YME1L1: variants seen among roughly 807,000 people sequenced by gnomAD.
The protein encoded by YME1L1 is ATP-dependent zinc metalloprotease YME1L1.
Under a neutral mutation model 90.4 loss-of-function variants are expected in YME1L1, and 39 were observed. The ratio of observed to expected loss-of-function variants is 0.43; its 90% CI spans 0.33 to 0.56. The LOEUF (loss-of-function observed/expected upper bound fraction) is 0.56. Ranked by LOEUF, YME1L1 falls within the 20% of genes least tolerant of loss-of-function variation. The pLI is 0.03. For synonymous variants in YME1L1, 284 were observed against 287.3 expected (o/e 0.99, Z 0.12); for missense variants, 617 against 868.4 (o/e 0.71, Z 3.64).
chr10:27,141,601 G>GACACACACACACACACAC (rs60043957), intron 4 of YME1L1, among the ~76,000 whole-genome samples: 1 of 141,476 alleles, frequency 7.1e-6, no homozygotes, highest in African/African-American at 2.6e-5. Flanking sequence ...GATGTCCCTC[G>GACACACACACACACACAC]ACACACACAC....
intron 11 of YME1L1, 53 bp downstream of exon 11, chr10:27,122,788 A>G: frequency 6.2e-7 from 1 of 1,603,918 alleles, no homozygotes; most frequent in African/African-American, 1.3e-5. Flanking sequence ...TTCTACGTAT[A>G]TCAAATGCTG....
chr10:27,118,438 C>T (rs1661527635), intron 14 of YME1L1, among the ~76,000 whole-genome samples: 2 of 152,080 alleles, frequency 1.3e-5, no homozygotes, highest in African/African-American at 4.8e-5. Flanking sequence ...CATGCCACCC[C>T]ACCCAACTAA....
Position 27,112,014 on chromosome 10 carries a change from T to C in YME1L1, c.2114A>G (p.Gln705Arg). ...TYETLDAKEI[Q>R]IVLEGKKLEV... ...CAACTTTTTCCCCTCAAGAACAATTTGAATCTCTTTGGCATCCAAAGTCTC... is the reference window on the plus strand; with the variant it reads ...CAACTTTTTCCCCTCAAGAACAATTCGAATCTCTTTGGCATCCAAAGTCTC... Residue 705 changes from glutamine to arginine, a missense_variant, in exon 19 of 19, where the codon CAA (glutamine) becomes CGA (arginine). By Grantham distance (43) the Gln-to-Arg change is conservative. Transcript: ENST00000376016. The C allele has an allele frequency of 6.2e-7, 1 of 1,614,116 alleles. No individual in the cohort carries two copies. The highest frequency in any genetic ancestry group is 8.5e-7 in the Non-Finnish European group (1 of 1,180,008).
At chr10:27,132,274 ATT>A (rs2056984919) in intron 7 of YME1L1, among the ~76,000 whole-genome samples, 1 of 151,714 alleles carries the variant, frequency 6.6e-6, no homozygotes, top group African/African-American at 2.4e-5. Flanking sequence ...CTAATTTTGT[ATT>A]TTTAGCAGAG....
intron 18 of YME1L1, among the ~76,000 whole-genome samples, chr10:27,113,653 CA>C (rs1203363350): frequency 1.5e-5 from 2 of 136,624 alleles, no homozygotes; most frequent in Non-Finnish European, 3.1e-5. Flanking sequence ...GCCTGGGCAA[CA>C]AGAGCAGAAC....
rs1364523015 is a variant in YME1L1 at position 27,145,545 on chromosome 10, C to T, written c.214G>A (p.Gly72Arg). 6.8e-6 allele frequency: 11 copies of T among 1,613,326 alleles called. No individual in the cohort carries two copies. Among genetic ancestry groups the T allele is most frequent in the Non-Finnish European group, 9.3e-6 (11 of 1,179,688 alleles). ...TTTTCTACCAGCTGATCAATCTGTC[C>T]AATTTTTAGTTCAGATAATCCAAGG... is the stretch of plus-strand genomic sequence containing the variant. ...RDLGLSELKI[G>R]QIDQLVENLL... Residue 72 changes from glycine (G) to arginine (R), a missense_variant, in exon 3 of 19, where the codon GGA (glycine) becomes AGA (arginine). Physicochemically the swap from Gly to Arg is moderately radical, Grantham distance 125. Coordinates refer to ENST00000376016, the MANE Select transcript of YME1L1 (RefSeq NM_014263.4).
At chr10:27,142,082 A>G (rs1458255102) in intron 4 of YME1L1, among the ~76,000 whole-genome samples, 1 of 151,880 alleles carries the variant, frequency 6.6e-6, no homozygotes, top group Non-Finnish European at 1.5e-5. Context: ...ATATAAAATT[A>G]ATTTCAATGG....
In YME1L1 at chr10:27,154,283, C is replaced by G. The variant is rs2057285273; in HGVS notation, c.-73G>C. 1.3e-6 allele frequency: 2 copies of G among 1,519,416 alleles called. No homozygotes were observed. The highest frequency in any genetic ancestry group is 1.4e-5 in the African/African-American group (1 of 71,912). The allele number at this position is 1,519,416 out of a possible 1,614,324, so 94.1% of individuals were successfully genotyped here. On this transcript the variant is annotated 5_prime_UTR_variant, in exon 1 of 19. Coordinates refer to ENST00000376016, the MANE Select transcript of YME1L1 (RefSeq NM_014263.4). Reference sequence around the variant, plus strand: ...CTCTGTCCACGGCCCGGCGGGGAGGCGCTGAGCCCTTCTTTTTTCCTTTTT... The same window carrying G: ...CTCTGTCCACGGCCCGGCGGGGAGGGGCTGAGCCCTTCTTTTTTCCTTTTT...
Position 27,119,599 on chromosome 10 carries a change from A to T in YME1L1, c.1412-150T>A, listed in dbSNP as rs1413433562. The T allele has an allele frequency of 6.7e-6, 5 of 751,404 alleles. No individual in the cohort carries two copies. In the African/African-American group the frequency reaches 9.2e-5, roughly 14 times the overall value. The allele number at this position is 751,404 out of a possible 1,614,324, so 46.5% of individuals were successfully genotyped here. On this transcript the variant is annotated intron_variant, in intron 13 of 18. Transcript: ENST00000376016. The stretch of plus-strand genomic sequence containing the variant: ...TGGGGCAGGCAGATCACCTAAGGAC[A>T]GGAGTTGGAGACCATCCTGGCCAAC...
chr10:27,130,620 T>C (rs1191698649), intron 8 of YME1L1, among the ~76,000 whole-genome samples: 1 of 152,102 alleles, frequency 6.6e-6, no homozygotes, highest in East Asian at 1.9e-4. Flanking sequence ...AGCACTTTGA[T>C]CTGCGTGGAT....
In YME1L1 at chr10:27,116,285, T is replaced by C. The variant is rs2056812066; in HGVS notation, c.1780A>G (p.Met594Val). The C allele has an allele frequency of 1.2e-6, 2 of 1,614,054 alleles. No individual in the cohort carries two copies. The highest frequency in any genetic ancestry group is 2.7e-5 in the African/African-American group (2 of 74,934). ...NETRAQLLAQ[M>V]DVSMGGRVAE... ...ACTCTTCCTCCCATACTAACATCCATTTGTGCAAGCAGCTGGGCTCTAGTT... is the reference window on the plus strand; with the variant it reads ...ACTCTTCCTCCCATACTAACATCCACTTGTGCAAGCAGCTGGGCTCTAGTT... Residue 594 changes from methionine (M) to valine (V), a missense_variant, in exon 16 of 19, where the codon ATG (methionine) becomes GTG (valine). Physicochemically the swap from Met to Val is conservative, Grantham distance 21 (BLOSUM62 1). This residue lies in a region of YME1L1 where 212 missense variants were observed against 330.0 expected (regional missense o/e 0.64). Transcript: ENST00000376016.
At chr10:27,137,675 C>T (rs760522852) in intron 4 of YME1L1, among the ~76,000 whole-genome samples, 8 of 152,146 alleles carry the variant, frequency 5.3e-5, no homozygotes, top group Non-Finnish European at 1.0e-4. Context: ...TTTTACTTTG[C>T]ATTTCCCAGA....
At chr10:27,115,943 A>C (rs1481181327) in intron 17 of YME1L1, 117 bp downstream of exon 17, 2 of 923,642 alleles carry the variant, frequency 2.2e-6, no homozygotes, top group Non-Finnish European at 3.4e-6. Context: ...AAAGAGCCTC[A>C]AATCCATTTG....
chr10:27,117,070 A>G (rs2056821033), intron 15 of YME1L1, among the ~76,000 whole-genome samples: 1 of 152,152 alleles, frequency 6.6e-6, no homozygotes, highest in Non-Finnish European at 1.5e-5. Flanking sequence ...GAGAATAAAA[A>G]CATCCTTTAT....
At chr10:27,140,536 T>G (rs2057076540) in intron 4 of YME1L1, among the ~76,000 whole-genome samples, 1 of 152,120 alleles carries the variant, frequency 6.6e-6, no homozygotes, top group Non-Finnish European at 1.5e-5. Context: ...TGGAGTTCAG[T>G]GGCGCGGTCT....
chr10:27,152,166 T>C (rs1330561308), intron 1 of YME1L1, among the ~76,000 whole-genome samples: 2 of 152,214 alleles, frequency 1.3e-5, no homozygotes, highest in African/African-American at 2.4e-5. Context: ...TTTGAAACTT[T>C]AAAAATAATC....
chr10:27,110,241 G>A lies in YME1L1; in HGVS notation c.*1736C>T, dbSNP rs1385485907. The A allele has an allele frequency of 6.6e-6, 1 of 152,134 alleles. No homozygotes were observed. The highest frequency in any genetic ancestry group is 2.4e-5 in the African/African-American group (1 of 41,416). 9.4% of individuals were successfully genotyped at this position (152,134 alleles called of 1,614,324 possible). A position where few individuals can be genotyped will look rare whatever the true frequency, so the allele number is the denominator to read the frequency against. On this transcript the variant is annotated 3_prime_UTR_variant, in exon 19 of 19. Transcript: ENST00000376016. ...ACATACAGAGAGGGAGACAGAACAG[G>A]TTTGGGGCAATAAAAAACGGGCAGA...
intron 1 of YME1L1, among the ~76,000 whole-genome samples, chr10:27,149,711 C>CAAAAAA (rs58900380): frequency 1.5e-4 from 5 of 32,370 alleles, no homozygotes; most frequent in South Asian, 1.2e-3. Flanking sequence ...ACCTGTCTCT[C>CAAAAAA]AAAAAAAAAA....
At chr10:27,128,825 C>T (rs1194283325) in intron 8 of YME1L1, among the ~76,000 whole-genome samples, 1 of 151,978 alleles carries the variant, frequency 6.6e-6, no homozygotes, top group Admixed American at 6.6e-5. Context: ...GGGAGGATGG[C>T]TGGAGCCCAG....
Sources: allele counts gnomAD v4.1 joint callset (sites outside exome capture counted in the v4.1 genomes callset), GRCh38; gene constraint gnomAD v4.1.1; regional missense constraint gnomAD v4.1.1; transcripts MANE v1.5; gene names NCBI Gene and HGNC (gene_info 2026-07-23, HGNC 2026-07-21).